Variants in RET observed in about 807,000 individuals in gnomAD.
RET encodes proto-oncogene tyrosine-protein kinase receptor Ret.
A neutral mutation model predicts 118.3 loss-of-function variants in RET; 19 were observed. The observed-to-expected ratio is 0.16, with a 90% CI of 0.11 to 0.24. RET has a LOEUF of 0.24. RET is among the 10% of genes least tolerant of loss of function. The pLI is 1.00. For missense variants in RET, 1,219 were observed against 1,502.1 expected (o/e 0.81, Z 3.12); for synonymous variants, 597 against 644.1 (o/e 0.93, Z 1.11).
chr10:43,114,652 G>C lies in RET; in HGVS notation c.2052G>C (p.Pro684=), dbSNP rs145122337. 1 of 1,612,856 alleles carries C rather than the reference G, an allele frequency of 6.2e-7. No homozygotes were observed. The highest frequency in any genetic ancestry group is 8.5e-7 in the Non-Finnish European group (1 of 1,179,986). The change falls in exon 11 of 20, where the codon CCG becomes CCC. Residue 684 remains proline (P), a synonymous_variant. Transcript: ENST00000355710. This position sits in a 1 kb window ranked among gnomAD's most constrained non-coding sequence, Gnocchi z 4.6. ...MTFRRPAQAF[P]VSYSSSGARR... is the part of the protein sequence containing the mutation. ...TCCGGAGGCCCGCCCAGGCCTTCCCGGTCAGCTACTCCTCTTCCGGTGCCC... is the reference window on the plus strand; with the variant it reads ...TCCGGAGGCCCGCCCAGGCCTTCCCCGTCAGCTACTCCTCTTCCGGTGCCC...
rs587782636 is a variant in RET, at chr10:43,119,636, G to A, written c.2498G>A (p.Arg833His). 1.5e-5 allele frequency: 24 copies of A among 1,612,952 alleles called. No homozygotes were observed. The highest frequency in any genetic ancestry group is 6.7e-5 in the African/African-American group (5 of 74,920). Residue 833 changes from arginine (R) to histidine (H), a missense_variant, in exon 14 of 20, where the codon CGC (arginine) becomes CAC (histidine). Physicochemically the swap from Arg to His is conservative, Grantham distance 29. Coordinates refer to ENST00000355710, the MANE Select transcript of RET (RefSeq NM_020975.6). ...GGCTACCTGGGCAGTGGAGGCAGCC[G>A]CAACTCCAGCTCCCTGGACCACCCG... ...GPGYLGSGGSRNSSSLDHPDE... is the reference protein window; with the variant it reads ...GPGYLGSGGSHNSSSLDHPDE...
chr10:43,107,266 C>T (rs1394018780), intron 5 of RET, among the ~76,000 whole-genome samples: 1 of 152,198 alleles, frequency 6.6e-6, no homozygotes, highest in Non-Finnish European at 1.5e-5. Context: ...CTCACCAAGC[C>T]TATGGAGGCC....
chr10:43,129,234 G>C lies in RET; in HGVS notation c.*965G>C, dbSNP rs1838397806. On this transcript the variant is annotated 3_prime_UTR_variant, in exon 20 of 20. Coordinates refer to ENST00000355710, the MANE Select transcript of RET (RefSeq NM_020975.6). ...TACCTGTTAGGAGCAGGTAGGGCTT[G>C]TACTCACTTTAATTTGAATCTTATC... The C allele has an allele frequency of 4.3e-6, 1 of 233,456 alleles. No individual in the cohort carries two copies. The highest frequency in any genetic ancestry group is 2.2e-5 in the African/African-American group (1 of 45,322). The allele number at this position is 233,456 out of a possible 1,614,324, so 14.5% of individuals were successfully genotyped here. A position where few individuals can be genotyped will look rare whatever the true frequency, so the allele number is the denominator to read the frequency against.
At chr10:43,079,288 AC>A (rs1464708055) in intron 1 of RET, among the ~76,000 whole-genome samples, 1 of 152,040 alleles carries the variant, frequency 6.6e-6, no homozygotes, top group Non-Finnish European at 1.5e-5. Context: ...ACCCTGCCTC[AC>A]CCACGTCCAC....
At chr10:43,118,685 G>T (rs1408372181) in intron 13 of RET, among the ~76,000 whole-genome samples, 2 of 152,236 alleles carry the variant, frequency 1.3e-5, no homozygotes, top group African/African-American at 4.8e-5. Context: ...CCATCAGAGG[G>T]GCCCCGCGCT....
chr10:43,086,555 C>T (rs1295533372), intron 1 of RET, among the ~76,000 whole-genome samples: 1 of 152,204 alleles, frequency 6.6e-6, no homozygotes, highest in Non-Finnish European at 1.5e-5. Flanking sequence ...ACAATGTAAT[C>T]AGCTGGGGCA....
intron 1 of RET, among the ~76,000 whole-genome samples, chr10:43,099,706 C>T: frequency 6.6e-6 from 1 of 152,220 alleles, no homozygotes; most frequent in East Asian, 1.9e-4. Context: ...CCACCTCCCC[C>T]ACACCCCCGC....
chr10:43,099,954 T>C lies in RET; in HGVS notation c.74-505T>C, dbSNP rs115063027. Reference sequence around the variant, plus strand: ...AGGGCCTCTAGGCTCTTGACTTCTGTGAATCATCCTTCCATTTCCAACTAT... The same window carrying C: ...AGGGCCTCTAGGCTCTTGACTTCTGCGAATCATCCTTCCATTTCCAACTAT... On this transcript the variant is annotated intron_variant, in intron 1 of 19. Transcript: ENST00000355710. Among the ~76,000 whole-genome samples the C allele has an allele frequency of 8.9e-3, 1,360 of 152,370 alleles. 21 individuals are homozygous for C. The highest frequency in any genetic ancestry group is 0.031 in the African/African-American group (1,284 of 41,582).
chr10:43,122,460 G>A (rs764084989), intron 16 of RET, among the ~76,000 whole-genome samples: 1 of 152,226 alleles, frequency 6.6e-6, no homozygotes, highest in African/African-American at 2.4e-5. Flanking sequence ...CCTTGTGTGA[G>A]TTTATAGATT....
intron 2 of RET, among the ~76,000 whole-genome samples, chr10:43,102,068 T>G (rs1272046695): frequency 2.6e-5 from 4 of 152,188 alleles, no homozygotes; most frequent in Non-Finnish European, 5.9e-5. Flanking sequence ...TTGGGGAGCC[T>G]TAGACCCAGT....
intron 1 of RET, among the ~76,000 whole-genome samples, chr10:43,088,846 C>T (rs1448701888): frequency 6.6e-6 from 1 of 152,224 alleles, no homozygotes; most frequent in Non-Finnish European, 1.5e-5. Context: ...GAGCTGGCCT[C>T]CTGTCTCCAA....
chr10:43,112,963 C>G lies in RET; in HGVS notation c.1759C>G (p.Arg587Gly), dbSNP rs748905470. ...CAACATTTGCCCTCAGGACTGCCTC[C>G]GTAAGCAGGGTTTAATCAGGGCATG... ...DINICPQDCL[R>G]GSIVGGHEPG... The change falls in exon 9 of 20, where the codon CGG (arginine) becomes GGG (glycine). Residue 587 changes from arginine to glycine, a missense_variant and splice_region_variant. This residue lies in a region of RET where 850 missense variants were observed against 969.6 expected (regional missense o/e 0.88). Coordinates refer to ENST00000355710, the MANE Select transcript of RET (RefSeq NM_020975.6). The G allele has an allele frequency of 6.2e-7, 1 of 1,612,774 alleles. No homozygotes were observed. Among genetic ancestry groups the G allele is most frequent in the Non-Finnish European group, 8.5e-7 (1 of 1,178,754 alleles).
chr10:43,098,428 T>TTC (rs1184501057), intron 1 of RET, among the ~76,000 whole-genome samples: 3 of 151,156 alleles, frequency 2.0e-5, no homozygotes, highest in Admixed American at 6.6e-5. Flanking sequence ...CTCCTTTTTT[T>TTC]TTTTTTTTTT....
In RET at chr10:43,116,495, G is replaced by C. The variant is rs866923550; in HGVS notation, c.2137-89G>C. 3.5e-5 allele frequency: 52 copies of C among 1,491,518 alleles called. No homozygotes were observed. In the African/African-American group the frequency reaches 6.2e-4, roughly 18 times the overall value. The allele number at this position is 1,491,518 out of a possible 1,614,324, so 92.4% of individuals were successfully genotyped here. Reference sequence around the variant, plus strand: ...TCTGCACATTGGAACTTGTCCATGGGGCCTCCTTTAAGGGTCTTGCCTTCT... The same window carrying C: ...TCTGCACATTGGAACTTGTCCATGGCGCCTCCTTTAAGGGTCTTGCCTTCT... On this transcript the variant is annotated intron_variant, in intron 11 of 19. Coordinates refer to ENST00000355710, the MANE Select transcript of RET (RefSeq NM_020975.6).
At position 43,112,899 on chromosome 10, in the gene RET, C is replaced by T. The variant is rs775079681; in HGVS notation, c.1695C>T (p.Cys565=). 1.1e-5 allele frequency: 18 copies of T among 1,614,024 alleles called. No individual in the cohort carries two copies. The highest frequency in any genetic ancestry group is 6.7e-5 in the Admixed American group (4 of 59,996). Residue 565 remains cysteine, a synonymous_variant, in exon 9 of 20, where the codon TGC becomes TGT. Coordinates refer to ENST00000355710, the MANE Select transcript of RET (RefSeq NM_020975.6). ...FSTCSPSTKT[C]PDGHCDVVET... ...CCTGCTCTCCCAGCACCAAGACCTGCCCCGACGGCCACTGCGATGTTGTGG... is the reference window on the plus strand; with the variant it reads ...CCTGCTCTCCCAGCACCAAGACCTGTCCCGACGGCCACTGCGATGTTGTGG...
At chr10:43,121,812 G>A (rs1838223920) in intron 15 of RET, 134 bp from the exon 16 acceptor site, 2 of 750,784 alleles carry the variant, frequency 2.7e-6, no homozygotes, top group Middle Eastern at 2.4e-4. Flanking sequence ...TGTGTGGCCA[G>A]TTCTGTGCCC....
chr10:43,114,715 C>T lies in RET; in HGVS notation c.2115C>T (p.Ser705=), dbSNP rs1247902894. Residue 705 remains serine, a synonymous_variant, in exon 11 of 20, where the codon TCC becomes TCT. Transcript: ENST00000355710. This position sits in a 1 kb window ranked among gnomAD's most constrained non-coding sequence, Gnocchi z 4.6. The stretch of plus-strand genomic sequence containing the variant: ...TGGACTCCATGGAGAACCAGGTCTC[C>T]GTGGATGCCTTCAAGATCCTGGTGA... The part of the protein sequence containing the change: ...PSLDSMENQV[S]VDAFKILEDP... 5.0e-6 allele frequency: 8 copies of T among 1,611,312 alleles called. No individual in the cohort carries two copies. The highest frequency in any genetic ancestry group is 4.4e-5 in the South Asian group (4 of 91,010).
intron 1 of RET, among the ~76,000 whole-genome samples, chr10:43,083,454 C>T (rs548736461): frequency 1.3e-5 from 2 of 152,342 alleles, no homozygotes; most frequent in Admixed American, 1.3e-4. Context: ...TGGGTGGCCA[C>T]ACCTCCCAGC....
At chr10:43,124,590 C>T (rs1007423792) in intron 17 of RET, among the ~76,000 whole-genome samples, 2 of 152,200 alleles carry the variant, frequency 1.3e-5, no homozygotes, top group Non-Finnish European at 2.9e-5. Context: ...TTACCAGTGT[C>T]TTTGCAAGGG....
Sources: gnomAD v4.1 joint callset for allele counts (sites outside exome capture counted in the v4.1 genomes callset) on GRCh38, gnomAD v4.1.1 for gene constraint, gnomAD v4.1.1 regional missense constraint, Gnocchi (gnomAD v3.1) non-coding constraint, MANE v1.5 for transcripts, NCBI Gene and HGNC (gene_info 2026-07-23, HGNC 2026-07-21) for gene names.